OTUD7A: variants seen among roughly 807,000 people sequenced by gnomAD.
OTUD7A encodes the protein OTU domain-containing protein 7A.
OTUD7A carries 12 observed loss-of-function variants against 65.7 expected under a neutral mutation model. The ratio of observed to expected loss-of-function variants is 0.18; its 90% CI spans 0.12 to 0.30. The LOEUF is 0.30. Among genes scored for constraint, OTUD7A ranks in the 10% least tolerant of loss-of-function variants. The probability of loss-of-function intolerance (pLI) is 1.00; values close to 1 mark genes in which losing one functional copy is unlikely to be tolerated. For missense variants in OTUD7A, 1,148 were observed against 1,304.8 expected, an observed-to-expected ratio of 0.88 and a Z score of 1.85; for synonymous variants, 641 against 586.3, an observed-to-expected ratio of 1.09 and a Z score of -1.35.
chr15:31,738,019 T>C (rs1159314673), intron 1 of OTUD7A, among the ~76,000 whole-genome samples: 1 of 152,252 alleles, frequency 6.6e-6, no homozygotes, highest in Non-Finnish European at 1.5e-5. Context: ...GTGGTATTAT[T>C]AACATTTTTT....
intron 1 of OTUD7A, among the ~76,000 whole-genome samples, chr15:31,713,044 T>A (rs1291742940): frequency 1.3e-5 from 2 of 152,208 alleles, no homozygotes; most frequent in African/African-American, 2.4e-5. Context: ...GACATTCTGT[T>A]GCATGTGGCT....
chr15:31,742,300 A>C (rs1186513052), intron 1 of OTUD7A, among the ~76,000 whole-genome samples: 1 of 152,168 alleles, frequency 6.6e-6, no homozygotes. Flanking sequence ...GATTGGTTAT[A>C]TACATTTATT....
rs932268264 is a variant in OTUD7A, at chr15:31,484,933, T to C, written c.1372-209A>G. ...AGTGGGCTCTGATCTGCTGCGGTAGTAAAAGGATGTAGGGACCTCTTAACT... is the reference window on the plus strand; with the variant it reads ...AGTGGGCTCTGATCTGCTGCGGTAGCAAAAGGATGTAGGGACCTCTTAACT... On this transcript the variant is annotated intron_variant, in intron 12 of 12. Transcript: ENST00000307050. The surrounding 1 kb of genome is among the most constrained non-coding windows in gnomAD (Gnocchi z 4.5). 3.3e-5 allele frequency among the ~76,000 whole-genome samples: 5 copies of C among 152,276 alleles called. No homozygotes were observed. Among genetic ancestry groups the C allele is most frequent in the Admixed American group, 2.6e-4 (4 of 15,300 alleles).
intron 3 of OTUD7A, among the ~76,000 whole-genome samples, chr15:31,609,199 T>G (rs1201003932): frequency 6.6e-6 from 1 of 152,102 alleles, no homozygotes; most frequent in African/African-American, 2.4e-5. Context: ...TTTAACAATT[T>G]GAACTGGGCA....
rs773379600 is a variant in OTUD7A at position 31,501,724 on chromosome 15, C to T, written c.1137G>A (p.Val379=). 6.8e-6 allele frequency: 11 copies of T among 1,614,136 alleles called. 1 individual carries two copies. In the South Asian group the frequency reaches 1.2e-4, roughly 18 times the overall value. ...TTTGCTGGTCTCTCTGTTCCATGGA[C>T]ACAAGGGCAGAGAAATGGGCTTGAT... The part of the protein sequence containing the change: ...AYDQAHFSAL[V]SMEQRDQQRE... Residue 379 remains valine (V), a synonymous_variant, in exon 10 of 13, where the codon GTG becomes GTA. Transcript: ENST00000307050.
At chr15:31,732,860 A>G (rs1175485516) in intron 1 of OTUD7A, among the ~76,000 whole-genome samples, 1 of 152,076 alleles carries the variant, frequency 6.6e-6, no homozygotes, top group Non-Finnish European at 1.5e-5. Flanking sequence ...GTTACTCCCC[A>G]CTTTCCTAGT....
At chr15:31,716,626 G>A (rs965407464) in intron 1 of OTUD7A, among the ~76,000 whole-genome samples, 2 of 142,400 alleles carry the variant, frequency 1.4e-5, no homozygotes. Context: ...TCAAAGGCAC[G>A]CTGGAGGCAA....
chr15:31,865,022 G>T (rs1296997375), intron 1 of OTUD7A, among the ~76,000 whole-genome samples: 1 of 101,392 alleles, frequency 9.9e-6, no homozygotes, highest in African/African-American at 3.1e-5. Context: ...TTCTGCCCTT[G>T]TGGCCCCCCC....
At chr15:31,556,135 T>C (rs11852753) in intron 5 of OTUD7A, 26,586 of 152,148 alleles carry the variant, frequency 0.17, 2,477 homozygotes, top group East Asian at 0.24. Flanking sequence ...AGCCATCGCG[T>C]TTGGCCACTT....
intron 1 of OTUD7A, among the ~76,000 whole-genome samples, chr15:31,736,795 T>A (rs1894204837): frequency 6.6e-6 from 1 of 152,138 alleles, no homozygotes; most frequent in African/African-American, 2.4e-5. Flanking sequence ...TGACTTTGTA[T>A]TTGTATGACT....
At chr15:31,687,152 G>A (rs1892857258) in intron 1 of OTUD7A, among the ~76,000 whole-genome samples, 1 of 151,590 alleles carries the variant, frequency 6.6e-6, no homozygotes, top group Non-Finnish European at 1.5e-5. Context: ...AAGCCCAATT[G>A]GTTACTGACT....
intron 1 of OTUD7A, among the ~76,000 whole-genome samples, chr15:31,861,271 G>A (rs1217396227): frequency 6.6e-6 from 1 of 152,074 alleles, no homozygotes; most frequent in African/African-American, 2.4e-5. Flanking sequence ...TAGGCTGGGG[G>A]CACTTTCTTT....
chr15:31,824,588 T>C (rs1896757175), intron 1 of OTUD7A, among the ~76,000 whole-genome samples: 1 of 152,246 alleles, frequency 6.6e-6, no homozygotes, highest in African/African-American at 2.4e-5. Context: ...CCTCATTTTT[T>C]AAAATAGCCT....
At chr15:31,648,196 C>T (rs1869238313) in intron 3 of OTUD7A, among the ~76,000 whole-genome samples, 1 of 152,008 alleles carries the variant, frequency 6.6e-6, no homozygotes, top group African/African-American at 2.4e-5. Flanking sequence ...GCACCTGCCC[C>T]CAAGCATGGA....
chr15:31,857,835 A>G (rs1382950472), intron 1 of OTUD7A, among the ~76,000 whole-genome samples: 1 of 152,186 alleles, frequency 6.6e-6, no homozygotes, highest in East Asian at 1.9e-4. Context: ...TTCTGCTGAG[A>G]CTGCAGCACT....
At chr15:31,672,697 G>T (rs901130301) in intron 1 of OTUD7A, among the ~76,000 whole-genome samples, 5 of 152,294 alleles carry the variant, frequency 3.3e-5, no homozygotes, top group South Asian at 2.1e-4. Flanking sequence ...GTCTTCAAAA[G>T]GTGTCAGGTC....
chr15:31,663,246 A>AACACACACACACACACACACAC (rs531313199), intron 1 of OTUD7A, among the ~76,000 whole-genome samples: 147 of 140,634 alleles, frequency 1.0e-3, no homozygotes, highest in African/African-American at 3.7e-3. Flanking sequence ...TCTTGGGCTA[A>AACACACACACACACACACACAC]ACACACACAC....
chr15:31,754,207 T>C (rs1894745277), intron 1 of OTUD7A, among the ~76,000 whole-genome samples: 1 of 152,162 alleles, frequency 6.6e-6, no homozygotes, highest in Non-Finnish European at 1.5e-5. Flanking sequence ...TACTTTTTAA[T>C]GGGATTTTTT....
At position 31,767,948 on chromosome 15, in the gene OTUD7A, A is replaced by C; in HGVS notation, c.-100+102559T>G. On this transcript the variant is annotated intron_variant, in intron 1 of 12. Transcript: ENST00000307050. ...ATTTTCTGATCCCCACCTCCCTTTG[A>C]TATCTTCAATTATACGATTCTTAAG... The C allele has an allele frequency of 3.2e-6, 5 of 1,554,302 alleles. No homozygotes were observed. The South Asian group carries it at 5.6e-5, about 17-fold the overall frequency.
Sources: allele counts gnomAD v4.1 joint callset (sites outside exome capture counted in the v4.1 genomes callset), GRCh38; gene constraint gnomAD v4.1.1; non-coding constraint Gnocchi (gnomAD v3.1); transcripts MANE v1.5; gene names NCBI Gene and HGNC (gene_info 2026-07-23, HGNC 2026-07-21).